The following AQR variants were observed in gnomAD, a reference collection of about 807,000 sequenced individuals.
The protein encoded by AQR is aquarius intron-binding spliceosomal factor, also known as RNA helicase aquarius.
AQR carries 61 observed loss-of-function variants against 180.5 expected under a neutral mutation model. The ratio of observed to expected loss-of-function variants is 0.34; its 90% CI spans 0.28 to 0.42. AQR has a LOEUF of 0.42. Among genes scored for constraint, AQR ranks in the 10% least tolerant of loss-of-function variants. The pLI is 1.00. For synonymous variants in AQR, 551 were observed against 588.8 expected (o/e 0.94, Z 0.93); for missense variants, 1,281 against 1,798.3 (o/e 0.71, Z 5.20).
chr15:34,886,866 G>A (rs113714436), intron 24 of AQR, among the ~76,000 whole-genome samples: 13,876 of 151,968 alleles, frequency 0.091, 681 homozygotes, highest in Middle Eastern at 0.12. Flanking sequence ...GTTCACGCCT[G>A]TAATCCCAAC....
chr15:34,930,818 CTTTTTTTT>C (rs77229498), intron 11 of AQR, among the ~76,000 whole-genome samples: 7 of 84,760 alleles, frequency 8.3e-5, no homozygotes, highest in Admixed American at 1.5e-4. Context: ...TACGCCACTT[CTTTTTTTT>C]TTTTTTTTTT....
chr15:34,881,163 T>C (rs1376833328), intron 27 of AQR, among the ~76,000 whole-genome samples: 1 of 152,232 alleles, frequency 6.6e-6, no homozygotes, highest in African/African-American at 2.4e-5. Flanking sequence ...TATCAAAGTA[T>C]ATTTTATATG....
At chr15:34,935,210 CTTA>C (rs1025737275) in intron 9 of AQR, among the ~76,000 whole-genome samples, 9 of 152,182 alleles carry the variant, frequency 5.9e-5, no homozygotes, top group Non-Finnish European at 1.3e-4. Flanking sequence ...AAATCACTAG[CTTA>C]TTATATACTA....
rs563029476 is a variant in AQR, at chr15:34,860,458, G to T, written c.4030-303C>A. 5.1e-4 allele frequency among the ~76,000 whole-genome samples: 77 copies of T among 151,396 alleles called. 2 individuals are homozygous for T. The highest frequency in any genetic ancestry group is 4.3e-3 in the East Asian group (22 of 5,162). On this transcript the variant is annotated intron_variant, in intron 33 of 34. Coordinates refer to ENST00000156471, the MANE Select transcript of AQR (RefSeq NM_014691.3). ...AGAATAGTGATTCCATTGAAATTTA[G>T]AAAGGTTAGAGACTAGAAGAGCTAA...
chr15:34,858,295 TA>T (rs1379865752), intron 34 of AQR, among the ~76,000 whole-genome samples: 2 of 125,030 alleles, frequency 1.6e-5, no homozygotes, highest in Non-Finnish European at 1.6e-5. Context: ...TTAAGATTTT[TA>T]AAAAGTACCG....
chr15:34,932,234 C>T (rs921709325), intron 11 of AQR, 84 bp downstream of exon 11: 2 of 1,128,340 alleles, frequency 1.8e-6, no homozygotes, highest in African/African-American at 3.1e-5. Flanking sequence ...TTGTGTTATG[C>T]CCTGATACTC....
chr15:34,853,814 C>G lies in AQR; in HGVS notation c.*2978G>C, dbSNP rs557125597. ...CAAACAGATCTTTTTCCTTTATTTA[C>G]AGATAAAGAAAATGGGCTTAGAGAG... On this transcript the variant is annotated 3_prime_UTR_variant, in exon 35 of 35. Transcript: ENST00000156471. The G allele has an allele frequency of 6.6e-6, 1 of 152,134 alleles. No individual in the cohort carries two copies. Among genetic ancestry groups the G allele is most frequent in the Admixed American group, 6.5e-5 (1 of 15,282 alleles). The allele number at this position is 152,134 out of a possible 1,614,324, so 9.4% of individuals were successfully genotyped here. A position where few individuals can be genotyped will look rare whatever the true frequency, so the allele number is the denominator to read the frequency against.
intron 1 of AQR, among the ~76,000 whole-genome samples, chr15:34,968,887 C>T (rs1595369405): frequency 6.6e-6 from 1 of 152,334 alleles, no homozygotes; most frequent in East Asian, 1.9e-4. Flanking sequence ...GGCATGATAA[C>T]TTCTACATTG....
chr15:34,967,950 A>G (rs1219778975), intron 1 of AQR, among the ~76,000 whole-genome samples: 1 of 151,690 alleles, frequency 6.6e-6, no homozygotes, highest in African/African-American at 2.4e-5. Flanking sequence ...AGTAGCTGGG[A>G]TTACAGGCAT....
intron 2 of AQR, among the ~76,000 whole-genome samples, chr15:34,963,817 C>T (rs1013423798): frequency 3.3e-5 from 5 of 150,628 alleles, no homozygotes; most frequent in African/African-American, 7.5e-5. Flanking sequence ...GCGCCCACCA[C>T]CATGCCCGGC....
At chr15:34,918,899 A>G (rs1320333187) in intron 14 of AQR, among the ~76,000 whole-genome samples, 1 of 151,586 alleles carries the variant, frequency 6.6e-6, no homozygotes, top group Non-Finnish European at 1.5e-5. Context: ...CCTTTCCATG[A>G]TGACCTCTGT....
intron 4 of AQR, among the ~76,000 whole-genome samples, chr15:34,949,867 G>A (rs1313767657): frequency 6.7e-6 from 1 of 149,210 alleles, no homozygotes; most frequent in East Asian, 2.0e-4. Flanking sequence ...TCAGGAGGCT[G>A]AGGTAGGAGG....
At chr15:34,965,915 T>C (rs1025980667) in intron 1 of AQR, among the ~76,000 whole-genome samples, 3 of 152,196 alleles carry the variant, frequency 2.0e-5, no homozygotes, top group Non-Finnish European at 4.4e-5. Flanking sequence ...TCTAAACTGC[T>C]TACTGTACAT....
chr15:34,857,478 G>A (rs1011833416), intron 34 of AQR, among the ~76,000 whole-genome samples: 4 of 151,546 alleles, frequency 2.6e-5, no homozygotes, highest in South Asian at 2.1e-4. Context: ...AGCTGGGTGC[G>A]GTGGCTCATG....
At chr15:34,920,028 T>C (rs556334720) in intron 14 of AQR, among the ~76,000 whole-genome samples, 84 of 152,344 alleles carry the variant, frequency 5.5e-4, no homozygotes, top group Non-Finnish European at 9.8e-4. Context: ...AGGTTTTACA[T>C]TGTCAGAAAA....
intron 15 of AQR, among the ~76,000 whole-genome samples, chr15:34,917,413 TG>T (rs1159297486): frequency 2.0e-5 from 3 of 152,206 alleles, no homozygotes; most frequent in African/African-American, 7.2e-5. Context: ...TATACTCAGT[TG>T]TGGCAAATTC....
chr15:34,949,043 A>T (rs560365008), intron 4 of AQR, among the ~76,000 whole-genome samples: 59 of 151,506 alleles, frequency 3.9e-4, no homozygotes, highest in Non-Finnish European at 7.7e-4. Context: ...CCCAGACTGG[A>T]GTACAATGGC....
intron 3 of AQR, among the ~76,000 whole-genome samples, chr15:34,956,253 T>G (rs1456844887): frequency 6.6e-6 from 1 of 152,190 alleles, no homozygotes; most frequent in African/African-American, 2.4e-5. Context: ...TCACCCTTTT[T>G]GAAAGCATAA....
chr15:34,900,760 T>A lies in AQR; in HGVS notation c.2105A>T (p.Tyr702Phe), dbSNP rs1893319623. The A allele has an allele frequency of 2.5e-6, 4 of 1,614,196 alleles. No individual in the cohort carries two copies. Among genetic ancestry groups the A allele is most frequent in the Non-Finnish European group, 3.4e-6 (4 of 1,180,004 alleles). The change falls in exon 20 of 35, where the codon TAT (tyrosine) becomes TTT (phenylalanine). Residue 702 changes from tyrosine to phenylalanine, a missense_variant. Tyr to Phe is a conservative substitution (Grantham distance 22). Around this residue, in one of 9 missense-constraint regions of AQR, gnomAD observed 28 missense variants for 75.3 expected, o/e 0.37. Coordinates refer to ENST00000156471, the MANE Select transcript of AQR (RefSeq NM_014691.3). Reference protein sequence around the residue: ...LGYGDPSSAHYSKMPNQIATL... With the variant: ...LGYGDPSSAHFSKMPNQIATL... ...GGCAATCTGATTGGGCATTTTCGAATAATGTGCACTACTTGGGTCCCCATA... is the reference window on the plus strand; with the variant it reads ...GGCAATCTGATTGGGCATTTTCGAAAAATGTGCACTACTTGGGTCCCCATA...
Sources: allele counts gnomAD v4.1 joint callset (sites outside exome capture counted in the v4.1 genomes callset), GRCh38; gene constraint gnomAD v4.1.1; regional missense constraint gnomAD v4.1.1; transcripts MANE v1.5; gene names NCBI Gene and HGNC (gene_info 2026-07-23, HGNC 2026-07-21).